HMGCLL1: variants seen among roughly 807,000 people sequenced by gnomAD.
HMGCLL1 encodes 3-hydroxymethyl-3-methylglutaryl-CoA lyase, cytoplasmic.
Under a neutral mutation model 39.1 loss-of-function variants are expected in HMGCLL1, and 36 were observed. That is an observed-to-expected ratio of 0.92 (90% CI 0.71 to 1.22). The LOEUF is 1.22. Ranked by LOEUF, HMGCLL1 falls within the 50% of genes most tolerant of loss-of-function variation. HMGCLL1 has a pLI of 0.00. For synonymous variants in HMGCLL1, 149 were observed against 144.0 expected (o/e 1.03, Z -0.25); for missense variants, 451 against 416.5 (o/e 1.08, Z -0.72).
intron 5 of HMGCLL1, among the ~76,000 whole-genome samples, chr6:55,510,747 T>A (rs1767415325): frequency 6.6e-6 from 1 of 151,088 alleles, no homozygotes; most frequent in South Asian, 2.1e-4. Flanking sequence ...CATATGTAAC[T>A]AACCTGCACA....
rs1431106868 is a variant in HMGCLL1 at position 55,543,477 on chromosome 6, AAT to A, written c.109-1339_109-1338del. 2.0e-3 allele frequency among the ~76,000 whole-genome samples: 20 copies of A among 10,088 alleles called. No homozygotes were observed. The East Asian group carries it at 0.023, about 11-fold the overall frequency. 6.6% of individuals were successfully genotyped at this position (10,088 alleles called of 152,430 possible). A position where few individuals can be genotyped will look rare whatever the true frequency, so the allele number is the denominator to read the frequency against. ...GATATATATCATATATATCATATAT[AAT>A]ATATATATGATATATATCATATATA... On this transcript the variant is annotated intron_variant, in intron 1 of 8. Coordinates refer to ENST00000274901, the MANE Select transcript of HMGCLL1 (RefSeq NM_001042406.2).
chr6:55,661,244 C>CT, the HMGCLL1 span, among the ~76,000 whole-genome samples: 1 of 151,718 alleles, frequency 6.6e-6, no homozygotes, highest in Non-Finnish European at 1.5e-5. Context: ...TTAATTTTTG[C>CT]TTTTTTTGTG....
the HMGCLL1 span, among the ~76,000 whole-genome samples, chr6:55,600,296 C>T: frequency 2.0e-5 from 3 of 152,180 alleles, no homozygotes; most frequent in South Asian, 6.2e-4. Flanking sequence ...TTGAAGTACT[C>T]CTTTGCTTAA....
chr6:55,507,689 T>C (rs899272998), intron 5 of HMGCLL1, among the ~76,000 whole-genome samples: 2 of 151,830 alleles, frequency 1.3e-5, no homozygotes, highest in Non-Finnish European at 2.9e-5. Context: ...TCTCAAATTT[T>C]TAATGATCCA....
the HMGCLL1 span, among the ~76,000 whole-genome samples, chr6:55,612,625 A>G: frequency 5.5e-3 from 834 of 152,314 alleles, 4 homozygotes; most frequent in Non-Finnish European, 8.8e-3. Context: ...GGAACAGAAT[A>G]GAGACCTCAG....
At chr6:55,487,632 T>A (rs1766100526) in intron 7 of HMGCLL1, among the ~76,000 whole-genome samples, 1 of 152,068 alleles carries the variant, frequency 6.6e-6, no homozygotes, top group Non-Finnish European at 1.5e-5. Context: ...GAACTCATGC[T>A]TTTTTATGGC....
chr6:55,480,046 C>T (rs1412205036), intron 7 of HMGCLL1, among the ~76,000 whole-genome samples: 1 of 151,574 alleles, frequency 6.6e-6, no homozygotes, highest in Non-Finnish European at 1.5e-5. Flanking sequence ...TTAGTAATTT[C>T]ACAGTTTGAG....
the HMGCLL1 span, among the ~76,000 whole-genome samples, chr6:55,589,247 A>G: frequency 6.6e-6 from 1 of 152,352 alleles, no homozygotes; most frequent in East Asian, 1.9e-4. Flanking sequence ...AGGCTGGTTC[A>G]ACATACACAA....
chr6:55,463,150 C>A (rs1206751804), intron 7 of HMGCLL1, among the ~76,000 whole-genome samples: 1 of 151,772 alleles, frequency 6.6e-6, no homozygotes, highest in Non-Finnish European at 1.5e-5. Flanking sequence ...CCTGCCTCAA[C>A]CTCCCGAGTA....
chr6:55,666,405 C>T, the HMGCLL1 span, among the ~76,000 whole-genome samples: 2 of 151,568 alleles, frequency 1.3e-5, no homozygotes, highest in Non-Finnish European at 3.0e-5. Flanking sequence ...GTGAAGTGCC[C>T]GAGTTAAAGT....
intron 7 of HMGCLL1, among the ~76,000 whole-genome samples, chr6:55,494,802 C>T (rs531274817): frequency 6.6e-6 from 1 of 152,246 alleles, no homozygotes; most frequent in African/African-American, 2.4e-5. Context: ...ATGCTACTTA[C>T]AGCTATTCTT....
chr6:55,644,186 T>G, the HMGCLL1 span, among the ~76,000 whole-genome samples: 1 of 152,102 alleles, frequency 6.6e-6, no homozygotes, highest in African/African-American at 2.4e-5. Flanking sequence ...ATATGTCTCT[T>G]TGCCATTTGT....
chr6:55,564,719 T>C (rs1180527299), intron 1 of HMGCLL1, among the ~76,000 whole-genome samples: 1 of 152,090 alleles, frequency 6.6e-6, no homozygotes, highest in Non-Finnish European at 1.5e-5. Flanking sequence ...CATGCTTTGA[T>C]TTTGAGCTAC....
chr6:55,580,346 TGAG>T (rs1054306694), upstream of HMGCLL1, among the ~76,000 whole-genome samples: 1 of 150,896 alleles, frequency 6.6e-6, no homozygotes, highest in African/African-American at 2.4e-5. Flanking sequence ...GCAAAGAGGA[TGAG>T]GAGGTCATAG....
chr6:55,535,865 C>T (rs1301154932), intron 3 of HMGCLL1, among the ~76,000 whole-genome samples: 2 of 152,180 alleles, frequency 1.3e-5, no homozygotes, highest in Admixed American at 1.3e-4. Flanking sequence ...CTCACTCTCT[C>T]TTTCAGCCCC....
chr6:55,583,557 G>T (rs939407561), upstream of HMGCLL1, among the ~76,000 whole-genome samples: 10 of 152,078 alleles, frequency 6.6e-5, no homozygotes, highest in East Asian at 1.9e-3. Context: ...AGTATTCCAT[G>T]GTGTATATGT....
chr6:55,613,152 C>A, the HMGCLL1 span, among the ~76,000 whole-genome samples: 17,008 of 152,120 alleles, frequency 0.11, 1,134 homozygotes, highest in East Asian at 0.17. Flanking sequence ...ACAGACAGTT[C>A]TCAAAAGAAG....
intron 1 of HMGCLL1, among the ~76,000 whole-genome samples, chr6:55,543,461 C>CATATATCATATATGATATATATG (rs1491548543): frequency 1.5e-3 from 134 of 91,072 alleles, no homozygotes; most frequent in African/African-American, 5.5e-3. Flanking sequence ...TGATATATAT[C>CATATATCATATATGATATATATG]ATATATATCA....
intron 3 of HMGCLL1, among the ~76,000 whole-genome samples, chr6:55,538,595 T>G (rs1318187017): frequency 6.6e-6 from 1 of 152,186 alleles, no homozygotes; most frequent in South Asian, 2.1e-4. Context: ...ACCTTCATTA[T>G]ACAGGACCAA....
Sources: allele counts gnomAD v4.1 joint callset (sites outside exome capture counted in the v4.1 genomes callset), GRCh38; gene constraint gnomAD v4.1.1; transcripts MANE v1.5; gene names NCBI Gene and HGNC (gene_info 2026-07-23, HGNC 2026-07-21).